Variants in MTSS1 observed in about 807,000 individuals in gnomAD.
MTSS1 encodes protein MTSS 1.
Under a neutral mutation model 79.0 loss-of-function variants are expected in MTSS1, and 18 were observed. That is an observed-to-expected ratio of 0.23 (90% CI 0.16 to 0.34). The LOEUF (loss-of-function observed/expected upper bound fraction) is 0.34, where lower values mean the gene tolerates loss of function less well. Ranked by LOEUF, MTSS1 falls within the 10% of genes least tolerant of loss-of-function variation. The probability of loss-of-function intolerance (pLI) is 1.00; values close to 1 mark genes in which losing one functional copy is unlikely to be tolerated. For synonymous variants in MTSS1, 341 were observed against 368.6 expected (o/e 0.93, Z 0.86); for missense variants, 815 against 986.2 (o/e 0.83, Z 2.33).
chr8:124,634,881 C>T (rs750612966), intron 3 of MTSS1, among the ~76,000 whole-genome samples: 1 of 152,152 alleles, frequency 6.6e-6, no homozygotes, highest in Non-Finnish European at 1.5e-5. Flanking sequence ...CAAGCAATTC[C>T]CATGCACATT....
At position 124,557,793 on chromosome 8, in the gene MTSS1, A is replaced by G; in HGVS notation, c.1118T>C (p.Leu373Pro). The change falls in exon 11 of 14, where the codon CTG becomes CCG. Residue 373 changes from leucine to proline, a missense_variant. Leu to Pro is a moderately conservative substitution (Grantham distance 98, BLOSUM62 -3). Around this residue, in one of 2 missense-constraint regions of MTSS1, gnomAD observed 590 missense variants for 620.8 expected, o/e 0.95. Coordinates refer to ENST00000518547, the MANE Select transcript of MTSS1 (RefSeq NM_014751.6). The stretch of plus-strand genomic sequence containing the variant: ...CCGAGGGAGCAGGCGGGAGGCAGGC[A>G]GGCAATGAGGGAAAAGGCCTGCACC... ...PTGAGLFPHCLPASRLLPRVT... is the reference protein window; with the variant it reads ...PTGAGLFPHCPPASRLLPRVT... 1 of 1,605,276 alleles carries G rather than the reference A, an allele frequency of 6.2e-7. No homozygotes were observed. The highest frequency in any genetic ancestry group is 8.5e-7 in the Non-Finnish European group (1 of 1,175,936).
At position 124,678,050 on chromosome 8, in the gene MTSS1, A is replaced by G. The variant is rs11998469; in HGVS notation, c.208+21476T>C. ...TATATCTTTTCCCCCAAACATTTTG[A>G]TCCCCGAGAGATTTTAGTGTTATAG... On this transcript the variant is annotated intron_variant, in intron 3 of 13. Transcript: ENST00000518547. Among the ~76,000 whole-genome samples, 1,331 of 152,294 alleles carry G rather than the reference A, an allele frequency of 8.7e-3. 16 individuals carry two copies. The highest frequency in any genetic ancestry group is 0.031 in the African/African-American group (1,275 of 41,556).
chr8:124,604,089 T>C (rs1834383368), intron 3 of MTSS1, among the ~76,000 whole-genome samples: 1 of 152,134 alleles, frequency 6.6e-6, no homozygotes, highest in African/African-American at 2.4e-5. Flanking sequence ...GGCAGGCGCC[T>C]GTAATCCCAG....
At chr8:124,620,355 G>A (rs553685915) in intron 3 of MTSS1, among the ~76,000 whole-genome samples, 1 of 152,284 alleles carries the variant, frequency 6.6e-6, no homozygotes, top group Admixed American at 6.5e-5. Flanking sequence ...GGGCATTTTT[G>A]TCTGTGGGAA....
At position 124,728,047 on chromosome 8, in the gene MTSS1, T is replaced by C; in HGVS notation, c.-92A>G. On this transcript the variant is annotated 5_prime_UTR_variant, in exon 1 of 14. Transcript: ENST00000518547. This position sits in a 1 kb window ranked among gnomAD's most constrained non-coding sequence, Gnocchi z 6.1. The stretch of plus-strand genomic sequence containing the variant: ...CGCTCACCCCAGAAGGAATTTCACC[T>C]TCCGAGAGACCCACCTCGGACTCGC... 8.6e-7 allele frequency: 1 copy of C among 1,156,318 alleles called. No individual in the cohort carries two copies. The highest frequency in any genetic ancestry group is 1.4e-5 in the South Asian group (1 of 71,786). The allele number at this position is 1,156,318 out of a possible 1,614,324, so 71.6% of individuals were successfully genotyped here.
intron 2 of MTSS1, 42 bp from the exon 3 acceptor site, chr8:124,699,641 C>A: frequency 6.3e-7 from 1 of 1,581,532 alleles, no homozygotes. Context: ...GAATGTCTCT[C>A]CCTAGCAAAT....
In MTSS1 at chr8:124,645,804, C is replaced by T. The variant is rs1434335601; in HGVS notation, c.208+53722G>A. On this transcript the variant is annotated intron_variant, in intron 3 of 13. Coordinates refer to ENST00000518547, the MANE Select transcript of MTSS1 (RefSeq NM_014751.6). ...TAAGCTGTTAATGAAAGTATTTGCC[C>T]ATGTTCCCAAAGAGACAAAACCCTC... Among the ~76,000 whole-genome samples, 7 of 152,230 alleles carry T rather than the reference C, an allele frequency of 4.6e-5. No homozygotes were observed. The East Asian group carries it at 1.2e-3, about 25-fold the overall frequency.
At chr8:124,596,983 C>T (rs557175934) in intron 3 of MTSS1, among the ~76,000 whole-genome samples, 1 of 152,030 alleles carries the variant, frequency 6.6e-6, no homozygotes, top group South Asian at 2.1e-4. Context: ...CAGCAAAGAC[C>T]CTGTGTCCAA....
intron 3 of MTSS1, among the ~76,000 whole-genome samples, chr8:124,634,160 G>A (rs767283012): frequency 6.6e-6 from 1 of 150,990 alleles, no homozygotes; most frequent in Non-Finnish European, 1.5e-5. Context: ...CCAGCTGGAG[G>A]ACAGTGATGT....
chr8:124,707,400 AAAAC>A (rs1159213115), intron 1 of MTSS1, among the ~76,000 whole-genome samples: 3 of 95,242 alleles, frequency 3.1e-5, no homozygotes, highest in Admixed American at 2.0e-4. Flanking sequence ...TACAAAAAAA[AAAAC>A]AAACAAACAA....
At chr8:124,631,541 A>G (rs11780949) in intron 3 of MTSS1, among the ~76,000 whole-genome samples, 34,947 of 151,954 alleles carry the variant, frequency 0.23, 5,378 homozygotes, top group African/African-American at 0.44. Context: ...CGTGCACCAG[A>G]CCTTAACTCC....
intron 3 of MTSS1, among the ~76,000 whole-genome samples, chr8:124,594,873 C>T (rs1451742712): frequency 6.6e-6 from 1 of 152,196 alleles, no homozygotes; most frequent in Admixed American, 6.5e-5. Context: ...AAACAAAAAT[C>T]AGCAGGTTTG....
intron 1 of MTSS1, among the ~76,000 whole-genome samples, chr8:124,710,761 G>A (rs1047677323): frequency 8.5e-5 from 13 of 152,126 alleles, no homozygotes; most frequent in Non-Finnish European, 1.3e-4. Flanking sequence ...CCAGCCCAGC[G>A]CCACTGGGAC....
chr8:124,593,155 G>A (rs1183251208), intron 3 of MTSS1, among the ~76,000 whole-genome samples: 1 of 152,194 alleles, frequency 6.6e-6, no homozygotes, highest in Non-Finnish European at 1.5e-5. Flanking sequence ...CGCCTTCTGC[G>A]CTCTCCAAGT....
intron 3 of MTSS1, among the ~76,000 whole-genome samples, chr8:124,631,389 G>T (rs1258217197): frequency 6.6e-6 from 1 of 152,144 alleles, no homozygotes; most frequent in African/African-American, 2.4e-5. Context: ...TAAAGAGTAC[G>T]TCCACGTGCT....
chr8:124,658,646 C>T (rs1351975692), intron 3 of MTSS1, among the ~76,000 whole-genome samples: 1 of 152,156 alleles, frequency 6.6e-6, no homozygotes, highest in African/African-American at 2.4e-5. Context: ...CTAGGAGCTT[C>T]ACATGGCTGA....
At chr8:124,558,134 G>C (rs1824423441) in intron 10 of MTSS1, 2 of 407,962 alleles carry the variant, frequency 4.9e-6, no homozygotes, top group South Asian at 1.0e-4. Flanking sequence ...AAATTGATCA[G>C]TGCCCTCAAT....
rs1183356411 is a variant in MTSS1 at position 124,688,337 on chromosome 8, T to C, written c.208+11189A>G. Among the ~76,000 whole-genome samples, 4 of 68,322 alleles carry C rather than the reference T, an allele frequency of 5.9e-5. No individual in the cohort carries two copies. In the East Asian group the frequency reaches 1.5e-3, roughly 26 times the overall value. The allele number at this position is 68,322 out of a possible 152,430, so 44.8% of individuals were successfully genotyped here. On this transcript the variant is annotated intron_variant, in intron 3 of 13. Coordinates refer to ENST00000518547, the MANE Select transcript of MTSS1 (RefSeq NM_014751.6). Reference sequence around the variant, plus strand: ...GTATGTGTACATGTGTACGTCTGTGTGTATGTGTGTTGTGTGTGTGTTGTA... The same window carrying C: ...GTATGTGTACATGTGTACGTCTGTGCGTATGTGTGTTGTGTGTGTGTTGTA...
In MTSS1 at chr8:124,600,879, T is replaced by C. The variant is rs537137239; in HGVS notation, c.209-9644A>G. ...GGAAGGTTCTGTTTGTACTTATTAA[T>C]TGTTACGCATCCACAACGTGGTTAT... On this transcript the variant is annotated intron_variant, in intron 3 of 13. Coordinates refer to ENST00000518547, the MANE Select transcript of MTSS1 (RefSeq NM_014751.6). Among the ~76,000 whole-genome samples the C allele has an allele frequency of 2.8e-4, 42 of 152,216 alleles. No homozygotes were observed. The South Asian group carries it at 6.9e-3, about 25-fold the overall frequency.
Sources: gnomAD v4.1 joint callset for allele counts (sites outside exome capture counted in the v4.1 genomes callset) on GRCh38, gnomAD v4.1.1 for gene constraint, gnomAD v4.1.1 regional missense constraint, Gnocchi (gnomAD v3.1) non-coding constraint, MANE v1.5 for transcripts, NCBI Gene and HGNC (gene_info 2026-07-23, HGNC 2026-07-21) for gene names.